Variants in GALNTL6 observed in about 807,000 individuals in gnomAD.
GALNTL6 encodes the protein polypeptide N-acetylgalactosaminyltransferase-like 6.
Under a neutral mutation model 73.7 loss-of-function variants are expected in GALNTL6, and 46 were observed. That is an observed-to-expected ratio of 0.62 (90% confidence interval 0.49 to 0.80). The LOEUF is 0.80. Ranked by LOEUF, GALNTL6 falls within the 30% of genes least tolerant of loss-of-function variation. The pLI, the probability that GALNTL6 is intolerant of heterozygous loss-of-function variation, is 0.00. For synonymous variants in GALNTL6, 259 were observed against 263.7 expected, an observed-to-expected ratio of 0.98 and a Z score of 0.17; for missense variants, 604 against 755.0, an observed-to-expected ratio of 0.80 and a Z score of 2.34.
chr4:172,204,474 A>G (rs1736048606), intron 2 of GALNTL6, among the ~76,000 whole-genome samples: 1 of 152,150 alleles, frequency 6.6e-6, no homozygotes, highest in African/African-American at 2.4e-5. Context: ...CTGATTGTTT[A>G]TGTTTATTCA....
intron 5 of GALNTL6, among the ~76,000 whole-genome samples, chr4:172,560,470 C>T (rs917241252): frequency 2.6e-5 from 4 of 151,700 alleles, no homozygotes; most frequent in African/African-American, 7.3e-5. Flanking sequence ...ACTTGGGTGA[C>T]GAAGTGAGAC....
chr4:172,560,577 T>G (rs192844567), intron 5 of GALNTL6, among the ~76,000 whole-genome samples: 92 of 152,312 alleles, frequency 6.0e-4, no homozygotes, highest in African/African-American at 1.8e-3. Flanking sequence ...TAAACTCACA[T>G]GTAGCCACTC....
intron 2 of GALNTL6, among the ~76,000 whole-genome samples, chr4:172,220,718 T>C (rs1460324314): frequency 1.3e-5 from 2 of 151,830 alleles, no homozygotes; most frequent in African/African-American, 4.8e-5. Flanking sequence ...AATACAAAGT[T>C]TGGATATTTC....
chr4:172,643,433 T>A (rs953646348), intron 5 of GALNTL6, among the ~76,000 whole-genome samples: 4 of 151,990 alleles, frequency 2.6e-5, no homozygotes, highest in Non-Finnish European at 5.9e-5. Context: ...CATAAAAGTG[T>A]ACAAATCATG....
At chr4:172,572,856 T>C (rs894978255) in intron 5 of GALNTL6, among the ~76,000 whole-genome samples, 1 of 152,188 alleles carries the variant, frequency 6.6e-6, no homozygotes, top group African/African-American at 2.4e-5. Context: ...TGTTGCTTTT[T>C]CCCTGATTAT....
At position 172,900,703 on chromosome 4, in the gene GALNTL6, T is replaced by G. The variant is rs191440872; in HGVS notation, c.1041+17796T>G. 3.6e-4 allele frequency among the ~76,000 whole-genome samples: 55 copies of G among 152,304 alleles called. No homozygotes were observed. In the East Asian group the frequency reaches 0.01, roughly 28 times the overall value. On this transcript the variant is annotated intron_variant, in intron 8 of 12. Transcript: ENST00000506823. ...AGTGTCACTGAAATTCAAGGGATAT[T>G]TTTTAGTTTTCACAGTTCAAGAGGT... is the stretch of plus-strand genomic sequence containing the variant.
intron 8 of GALNTL6, among the ~76,000 whole-genome samples, chr4:172,930,249 A>G (rs1748260295): frequency 6.6e-6 from 1 of 151,976 alleles, no homozygotes; most frequent in African/African-American, 2.4e-5. Flanking sequence ...TTGCACTCCA[A>G]CCTAGGCAAC....
chr4:171,947,737 G>C (rs1302204017), intron 2 of GALNTL6, among the ~76,000 whole-genome samples: 1 of 152,044 alleles, frequency 6.6e-6, no homozygotes, highest in Admixed American at 6.6e-5. Flanking sequence ...AACAGGGGTG[G>C]AGGAAAAAAT....
chr4:172,438,037 A>G (rs888437497), intron 5 of GALNTL6, among the ~76,000 whole-genome samples: 3 of 152,090 alleles, frequency 2.0e-5, no homozygotes, highest in African/African-American at 7.2e-5. Flanking sequence ...TGTGTTATCA[A>G]TGGATTCTCC....
At chr4:172,086,507 T>G (rs1223247332) in intron 2 of GALNTL6, among the ~76,000 whole-genome samples, 1 of 152,004 alleles carries the variant, frequency 6.6e-6, no homozygotes, top group Non-Finnish European at 1.5e-5. Context: ...ACTTTATTCC[T>G]AAAGTTTATT....
intron 12 of GALNTL6, among the ~76,000 whole-genome samples, chr4:173,024,310 G>T (rs971577337): frequency 6.6e-6 from 1 of 152,170 alleles, no homozygotes; most frequent in South Asian, 2.1e-4. Context: ...TTAGCAAAAG[G>T]TTACACTCCA....
intron 7 of GALNTL6, among the ~76,000 whole-genome samples, chr4:172,874,029 A>G (rs1745071590): frequency 6.6e-6 from 1 of 152,250 alleles, no homozygotes; most frequent in African/African-American, 2.4e-5. Flanking sequence ...GTATTAAATA[A>G]ATGAAGCATA....
chr4:172,373,129 T>A (rs2111262616), intron 5 of GALNTL6, among the ~76,000 whole-genome samples: 1 of 152,284 alleles, frequency 6.6e-6, no homozygotes, highest in African/African-American at 2.4e-5. Context: ...GTGGCCTAGA[T>A]CTTGGGCCAG....
rs915731317 is a variant in GALNTL6, at chr4:172,106,454, G to A, written c.139-123202G>A. Among the ~76,000 whole-genome samples the A allele has an allele frequency of 2.0e-5, 3 of 152,056 alleles. No homozygotes were observed. In the South Asian group the frequency reaches 6.2e-4, roughly 32 times the overall value. ...TGTAATAAACATGTCCATCAGATTG[G>A]AATTGATATCCTAGGTAATAGATAC... On this transcript the variant is annotated intron_variant, in intron 2 of 12. Transcript: ENST00000506823.
At chr4:171,962,924 T>C (rs1289140658) in intron 2 of GALNTL6, among the ~76,000 whole-genome samples, 3 of 151,798 alleles carry the variant, frequency 2.0e-5, no homozygotes, top group African/African-American at 7.3e-5. Context: ...TGCACCACCA[T>C]GCCCAGCTAA....
At chr4:172,271,957 A>AT (rs1405590434) in intron 3 of GALNTL6, among the ~76,000 whole-genome samples, 11 of 149,614 alleles carry the variant, frequency 7.4e-5, no homozygotes, top group African/African-American at 2.3e-4. Context: ...ATATATATAT[A>AT]TATTTTTTTT....
chr4:171,917,998 T>A (rs531278098), intron 2 of GALNTL6, among the ~76,000 whole-genome samples: 1 of 152,204 alleles, frequency 6.6e-6, no homozygotes, highest in Non-Finnish European at 1.5e-5. Flanking sequence ...CATTTTTTAA[T>A]GGTAGGGATA....
At chr4:172,766,406 C>T (rs1371413138) in intron 5 of GALNTL6, among the ~76,000 whole-genome samples, 1 of 151,824 alleles carries the variant, frequency 6.6e-6, no homozygotes, top group African/African-American at 2.4e-5. Flanking sequence ...TTTTGTGGCT[C>T]CTTGAAAAAG....
intron 5 of GALNTL6, among the ~76,000 whole-genome samples, chr4:172,569,139 A>G (rs1490500675): frequency 6.6e-6 from 1 of 152,140 alleles, no homozygotes; most frequent in Admixed American, 6.5e-5. Flanking sequence ...CCTAGACTGG[A>G]TGGCTTATAA....
Sources: gnomAD v4.1 joint callset for allele counts (sites outside exome capture counted in the v4.1 genomes callset) on GRCh38, gnomAD v4.1.1 for gene constraint, MANE v1.5 for transcripts, NCBI Gene and HGNC (gene_info 2026-07-23, HGNC 2026-07-21) for gene names.